RAD51B: variants seen among roughly 807,000 people sequenced by gnomAD.
The protein encoded by RAD51B is RAD51 paralog B.
Under a neutral mutation model 42.2 loss-of-function variants are expected in RAD51B, and 38 were observed. The ratio of observed to expected loss-of-function variants is 0.90; its 90% confidence interval spans 0.70 to 1.18. The LOEUF is 1.18. Among genes scored for constraint, RAD51B ranks in the 50% most tolerant of loss-of-function variants. RAD51B has a pLI of 0.00. For synonymous variants in RAD51B, 154 were observed against 145.2 expected, an observed-to-expected ratio of 1.06 and a Z score of -0.43; for missense variants, 373 against 400.7, an observed-to-expected ratio of 0.93 and a Z score of 0.59.
intron 7 of RAD51B, among the ~76,000 whole-genome samples, chr14:68,039,562 G>A (rs895374103): frequency 4.6e-5 from 7 of 152,038 alleles, no homozygotes; most frequent in South Asian, 2.1e-4. Context: ...AGTGGTTCAC[G>A]TCACAGACAA....
intron 5 of RAD51B, among the ~76,000 whole-genome samples, chr14:67,874,334 G>A (rs1206979230): frequency 6.6e-6 from 1 of 152,086 alleles, no homozygotes; most frequent in African/African-American, 2.4e-5. Flanking sequence ...TGAACCCACA[G>A]CCCGTGGGCC....
intron 8 of RAD51B, among the ~76,000 whole-genome samples, chr14:68,354,845 T>G (rs978951437): frequency 6.6e-6 from 1 of 152,148 alleles, no homozygotes; most frequent in African/African-American, 2.4e-5. Flanking sequence ...AAAGAAGTAG[T>G]GGACTCAGGA....
intron 11 of RAD51B, among the ~76,000 whole-genome samples, chr14:68,669,486 A>G (rs1016350144): frequency 2.6e-4 from 40 of 152,126 alleles, no homozygotes; most frequent in Middle Eastern, 3.2e-3. Flanking sequence ...ACAGGAAGAC[A>G]TTTGCCCACA....
At chr14:67,949,766 A>G (rs2074408604) in intron 7 of RAD51B, among the ~76,000 whole-genome samples, 1 of 152,190 alleles carries the variant, frequency 6.6e-6, no homozygotes, top group Admixed American at 6.5e-5. Context: ...TGAAAGTTGA[A>G]ATTATTCCTT....
chr14:67,968,500 T>A (rs2074832163), intron 7 of RAD51B, among the ~76,000 whole-genome samples: 1 of 152,180 alleles, frequency 6.6e-6, no homozygotes, highest in Non-Finnish European at 1.5e-5. Context: ...TGCTTAGAAA[T>A]TTCTTCTACC....
intron 10 of RAD51B, among the ~76,000 whole-genome samples, chr14:68,507,558 A>G (rs749208924): frequency 2.0e-5 from 3 of 152,146 alleles, no homozygotes; most frequent in Non-Finnish European, 2.9e-5. Context: ...AACATTCTGC[A>G]CACCTCAATA....
intron 7 of RAD51B, among the ~76,000 whole-genome samples, chr14:68,017,843 C>T (rs1024179222): frequency 2.1e-4 from 32 of 151,928 alleles, no homozygotes; most frequent in African/African-American, 6.8e-4. Context: ...TGGTGGCACG[C>T]ACCTGTAGTC....
At chr14:67,961,677 G>A (rs534632761) in intron 7 of RAD51B, among the ~76,000 whole-genome samples, 31 of 152,200 alleles carry the variant, frequency 2.0e-4, no homozygotes, top group South Asian at 1.0e-3. Context: ...CGGTCCTACC[G>A]TTTCCTTGCT....
chr14:68,606,346 G>T (rs1226649660), intron 10 of RAD51B, among the ~76,000 whole-genome samples: 1 of 152,126 alleles, frequency 6.6e-6, no homozygotes, highest in Admixed American at 6.5e-5. Flanking sequence ...CTCCCAGGAG[G>T]CAGGAGGGAG....
chr14:68,530,611 G>A (rs751309130), intron 10 of RAD51B, among the ~76,000 whole-genome samples: 1 of 151,894 alleles, frequency 6.6e-6, no homozygotes, highest in Non-Finnish European at 1.5e-5. Context: ...TATCTGAAAG[G>A]GGAAAAAAAT....
intron 7 of RAD51B, among the ~76,000 whole-genome samples, chr14:68,160,484 T>A (rs2078614997): frequency 6.6e-6 from 1 of 152,226 alleles, no homozygotes; most frequent in Non-Finnish European, 1.5e-5. Context: ...TACTCTGTTT[T>A]GCAATGCCCT....
At chr14:68,535,930 C>T (rs1338481500) in intron 10 of RAD51B, among the ~76,000 whole-genome samples, 1 of 152,120 alleles carries the variant, frequency 6.6e-6, no homozygotes, top group Non-Finnish European at 1.5e-5. Flanking sequence ...TCTTTGGGTG[C>T]ATGCAACAGA....
At chr14:67,972,428 G>A (rs1474258901) in intron 7 of RAD51B, among the ~76,000 whole-genome samples, 2 of 152,032 alleles carry the variant, frequency 1.3e-5, no homozygotes, top group African/African-American at 4.8e-5. Context: ...CAGGCTTATG[G>A]TGTGTCCTGG....
At chr14:68,133,340 A>C (rs1427119909) in intron 7 of RAD51B, among the ~76,000 whole-genome samples, 2 of 152,184 alleles carry the variant, frequency 1.3e-5, no homozygotes, top group Non-Finnish European at 2.9e-5. Context: ...TTTGAATTTG[A>C]GGATAGAGGA....
intron 7 of RAD51B, among the ~76,000 whole-genome samples, chr14:68,099,090 C>T (rs1286499110): frequency 6.6e-6 from 1 of 152,188 alleles, no homozygotes; most frequent in African/African-American, 2.4e-5. Context: ...TCTTTAATTG[C>T]TAGGTTTAAC....
intron 8 of RAD51B, among the ~76,000 whole-genome samples, chr14:68,358,349 A>G (rs2082950161): frequency 6.6e-6 from 1 of 152,236 alleles, no homozygotes; most frequent in African/African-American, 2.4e-5. Flanking sequence ...GCAATACAGC[A>G]ACACACAATA....
chr14:67,969,351 T>C (rs1164074610), intron 7 of RAD51B, among the ~76,000 whole-genome samples: 1 of 152,196 alleles, frequency 6.6e-6, no homozygotes, highest in African/African-American at 2.4e-5. Flanking sequence ...AGGACTTCAC[T>C]AGCATTAACA....
intron 7 of RAD51B, among the ~76,000 whole-genome samples, chr14:67,976,381 A>C (rs1223695925): frequency 6.6e-6 from 1 of 151,986 alleles, no homozygotes; most frequent in African/African-American, 2.4e-5. Context: ...GCCTCCCAGC[A>C]TGCTGGAATT....
chr14:68,148,834 A>G (rs947167645), intron 7 of RAD51B, among the ~76,000 whole-genome samples: 2 of 152,196 alleles, frequency 1.3e-5, no homozygotes, highest in African/African-American at 4.8e-5. Flanking sequence ...AGGCTAATGG[A>G]AGTGTTCTGA....
Sources: gnomAD v4.1 joint callset for allele counts (sites outside exome capture counted in the v4.1 genomes callset) on GRCh38, gnomAD v4.1.1 for gene constraint, MANE v1.5 for transcripts, NCBI Gene and HGNC (gene_info 2026-07-23, HGNC 2026-07-21) for gene names.